The following GALNTL6 variants were observed in gnomAD, a reference collection of about 807,000 sequenced individuals.
GALNTL6 encodes the protein polypeptide N-acetylgalactosaminyltransferase like 6.
GALNTL6 carries 46 observed loss-of-function variants against 73.7 expected under a neutral mutation model. The observed-to-expected ratio is 0.62, with a 90% CI of 0.49 to 0.80. GALNTL6 has a LOEUF of 0.80. Among genes scored for constraint, GALNTL6 ranks in the 30% least tolerant of loss-of-function variants. GALNTL6 has a pLI of 0.00. For missense variants in GALNTL6, 604 were observed against 755.0 expected, an observed-to-expected ratio of 0.80 and a Z score of 2.34; for synonymous variants, 259 against 263.7, an observed-to-expected ratio of 0.98 and a Z score of 0.17.
intron 2 of GALNTL6, among the ~76,000 whole-genome samples, chr4:171,856,322 C>T (rs994056755): frequency 3.3e-5 from 5 of 151,496 alleles, no homozygotes; most frequent in African/African-American, 1.2e-4. Flanking sequence ...GCCATGTTGG[C>T]CAGGTTGGTC....
intron 5 of GALNTL6, among the ~76,000 whole-genome samples, chr4:172,381,779 A>G (rs912869749): frequency 6.6e-6 from 1 of 152,198 alleles, no homozygotes; most frequent in Non-Finnish European, 1.5e-5. Flanking sequence ...TGTTTATTCC[A>G]CTTGAGTGTA....
intron 4 of GALNTL6, among the ~76,000 whole-genome samples, chr4:172,347,735 T>C (rs1741799446): frequency 6.6e-6 from 1 of 152,188 alleles, no homozygotes; most frequent in Admixed American, 6.5e-5. Flanking sequence ...ATAATTTTGA[T>C]GGGTTTTCAG....
intron 9 of GALNTL6, among the ~76,000 whole-genome samples, chr4:172,944,218 C>T (rs1334567861): frequency 1.3e-5 from 2 of 152,166 alleles, no homozygotes; most frequent in African/African-American, 4.8e-5. Flanking sequence ...TTGCAAATCA[C>T]ATTTCTGGCC....
At chr4:172,783,367 T>A (rs907059011) in intron 5 of GALNTL6, among the ~76,000 whole-genome samples, 1 of 147,566 alleles carries the variant, frequency 6.8e-6, no homozygotes, top group Admixed American at 6.8e-5. Flanking sequence ...AAATAGTGTA[T>A]TAATAATATT....
chr4:172,549,786 A>G (rs1735891281), intron 5 of GALNTL6, among the ~76,000 whole-genome samples: 1 of 152,162 alleles, frequency 6.6e-6, no homozygotes, highest in South Asian at 2.1e-4. Context: ...TGTAAATGCT[A>G]AAAATCAAAG....
chr4:171,911,434 G>T (rs1398014105), intron 2 of GALNTL6, among the ~76,000 whole-genome samples: 2 of 152,212 alleles, frequency 1.3e-5, no homozygotes, highest in African/African-American at 4.8e-5. Flanking sequence ...TTACAGGCGT[G>T]AGCCACTGCG....
At chr4:172,251,998 T>C (rs1174241217) in intron 3 of GALNTL6, among the ~76,000 whole-genome samples, 1 of 152,004 alleles carries the variant, frequency 6.6e-6, no homozygotes, top group Non-Finnish European at 1.5e-5. Flanking sequence ...AAAAACAAAT[T>C]AGTGTACAGG....
intron 3 of GALNTL6, among the ~76,000 whole-genome samples, chr4:172,249,186 GATGGTCTCAT>G (rs1737763667): frequency 6.6e-6 from 1 of 152,296 alleles, no homozygotes; most frequent in Non-Finnish European, 1.5e-5. Context: ...TCCAGGCTGA[GATGGTCTCAT>G]ATGGAGATGA....
intron 5 of GALNTL6, among the ~76,000 whole-genome samples, chr4:172,420,145 A>AT (rs1339077801): frequency 1.3e-5 from 2 of 152,116 alleles, no homozygotes; most frequent in East Asian, 3.9e-4. Context: ...AACTCATGTA[A>AT]TTTTCTCTCT....
chr4:172,032,343 T>C (rs906098652), intron 2 of GALNTL6, among the ~76,000 whole-genome samples: 3 of 152,018 alleles, frequency 2.0e-5, no homozygotes, highest in African/African-American at 7.2e-5. Context: ...TGAATATTGC[T>C]CATATTAAAT....
At position 172,334,736 on chromosome 4, in the gene GALNTL6, C is replaced by T. The variant is rs1233344570; in HGVS notation, c.387-13787C>T. ...TTTATTTCCTTCTCTTGCCTGATTG[C>T]TCAGGATAGGACTTCCAGTACATGT... On this transcript the variant is annotated intron_variant, in intron 4 of 12. Coordinates refer to ENST00000506823, the MANE Select transcript of GALNTL6 (RefSeq NM_001034845.3). 5.9e-5 allele frequency among the ~76,000 whole-genome samples: 9 copies of T among 152,196 alleles called. No individual in the cohort carries two copies. In the East Asian group the frequency reaches 1.7e-3, roughly 29 times the overall value.
intron 5 of GALNTL6, among the ~76,000 whole-genome samples, chr4:172,478,436 T>A (rs184059474): frequency 6.6e-6 from 1 of 152,108 alleles, no homozygotes; most frequent in Non-Finnish European, 1.5e-5. Flanking sequence ...CAACAAATGG[T>A]GTTAGGAAAA....
intron 5 of GALNTL6, among the ~76,000 whole-genome samples, chr4:172,388,540 A>G (rs1307625151): frequency 6.6e-6 from 1 of 152,146 alleles, no homozygotes; most frequent in Non-Finnish European, 1.5e-5. Context: ...TCCAAGAGAC[A>G]TTACATATTC....
chr4:172,365,606 A>G (rs933052106), intron 5 of GALNTL6, among the ~76,000 whole-genome samples: 1 of 151,986 alleles, frequency 6.6e-6, no homozygotes, highest in Non-Finnish European at 1.5e-5. Flanking sequence ...CTTAGCACTC[A>G]TGACTACAAG....
chr4:172,827,315 C>G (rs1049737539), intron 7 of GALNTL6, among the ~76,000 whole-genome samples: 8 of 152,190 alleles, frequency 5.3e-5, no homozygotes, highest in African/African-American at 1.9e-4. Context: ...CTGGTCCCTT[C>G]CCTCCAACAG....
rs557183020 is a variant in GALNTL6 at position 172,677,984 on chromosome 4, A to G, written c.554-131377A>G. Among the ~76,000 whole-genome samples, 102 of 152,280 alleles carry G rather than the reference A, an allele frequency of 6.7e-4. 2 individuals are homozygous for G. The South Asian group carries it at 0.021, about 31-fold the overall frequency. ...TGCATTTAAGGAGCTTCTATACAAA[A>G]GCGTTGGTGGAAAAGAGTCATGCAT... On this transcript the variant is annotated intron_variant, in intron 5 of 12. Transcript: ENST00000506823.
chr4:172,048,215 C>T (rs1345603859), intron 2 of GALNTL6, among the ~76,000 whole-genome samples: 2 of 152,018 alleles, frequency 1.3e-5, no homozygotes, highest in Admixed American at 1.3e-4. Context: ...TGCCTCAGAA[C>T]AATAACATTT....
chr4:172,135,714 C>T (rs1193408020), intron 2 of GALNTL6, among the ~76,000 whole-genome samples: 1 of 151,930 alleles, frequency 6.6e-6, no homozygotes, highest in Non-Finnish European at 1.5e-5. Flanking sequence ...AAATTTAAAT[C>T]ACAGTTTCAT....
chr4:172,913,459 G>A (rs796972046), intron 8 of GALNTL6, among the ~76,000 whole-genome samples: 34 of 152,272 alleles, frequency 2.2e-4, no homozygotes, highest in African/African-American at 6.5e-4. Flanking sequence ...AAAGGAGGAT[G>A]TTCGAGCCCA....
Sources: gnomAD v4.1 joint callset for allele counts (sites outside exome capture counted in the v4.1 genomes callset) on GRCh38, gnomAD v4.1.1 for gene constraint, MANE v1.5 for transcripts, NCBI Gene and HGNC (gene_info 2026-07-23, HGNC 2026-07-21) for gene names.